The following DEPDC5 variants were observed in gnomAD, a reference collection of about 807,000 sequenced individuals.
DEPDC5 encodes GATOR1 complex protein DEPDC5.
In DEPDC5, 73 loss-of-function variants were observed where a neutral mutation model predicts 217.3. The observed-to-expected ratio is 0.34, with a 90% CI of 0.28 to 0.41. The LOEUF is 0.41. DEPDC5 is among the 10% of genes least tolerant of loss of function. The probability of loss-of-function intolerance (pLI) is 1.00; values close to 1 mark genes in which losing one functional copy is unlikely to be tolerated. For missense variants in DEPDC5, 1,675 were observed against 2,070.1 expected (o/e 0.81, Z 3.70); for synonymous variants, 733 against 756.7 (o/e 0.97, Z 0.51).
intron 35 of DEPDC5, 153 bp from the exon 36 acceptor site, chr22:31,874,120 A>G: frequency 8.2e-7 from 1 of 1,218,336 alleles, no homozygotes. Context: ...TTGTCCTCTC[A>G]TGGGTGTTTC....
At chr22:31,785,327 A>G (rs1176399771) in intron 10 of DEPDC5, among the ~76,000 whole-genome samples, 2 of 152,220 alleles carry the variant, frequency 1.3e-5, no homozygotes, top group African/African-American at 2.4e-5. Context: ...AGGATACCCA[A>G]TCAACACACA....
intron 29 of DEPDC5, among the ~76,000 whole-genome samples, chr22:31,844,239 TA>T (rs917460646): frequency 2.1e-4 from 31 of 150,754 alleles, no homozygotes; most frequent in African/African-American, 5.6e-4. Context: ...AATAAATAAA[TA>T]AAAAAAAATA....
At chr22:31,791,925 CAAAAAAAAAA>C (rs34494517) in intron 10 of DEPDC5, 98 bp from the exon 11 acceptor site, 10 of 124,126 alleles carry the variant, frequency 8.1e-5, no homozygotes, top group South Asian at 3.8e-4. Flanking sequence ...GACTCCGTCT[CAAAAAAAAAA>C]AAAAAAAAAA....
chr22:31,812,053 A>G (rs538283671), intron 20 of DEPDC5, among the ~76,000 whole-genome samples: 3 of 149,910 alleles, frequency 2.0e-5, no homozygotes, highest in Admixed American at 6.6e-5. Flanking sequence ...CAGTGCTGCA[A>G]TCTCGGCTCA....
In DEPDC5 at chr22:31,876,171, G is replaced by A; in HGVS notation, c.3711G>A (p.Glu1237=). The A allele has an allele frequency of 1.9e-6, 3 of 1,614,040 alleles. No individual in the cohort carries two copies. The highest frequency in any genetic ancestry group is 2.2e-5 in the South Asian group (2 of 91,074). The change falls in exon 37 of 43, where the codon GAG becomes GAA. Residue 1237 remains glutamate (E), a synonymous_variant. Coordinates refer to ENST00000651528, the MANE Select transcript of DEPDC5 (RefSeq NM_001242896.3). ...GTCTCTCCTAGAAAATGCTGGAAGA[G>A]CAGCTCATCACACATGCATCTGGCG... ...AIDIMQKMLE[E]QLITHASGEA...
intron 36 of DEPDC5, 117 bp downstream of exon 36, chr22:31,874,522 T>G: frequency 7.5e-7 from 1 of 1,341,016 alleles, no homozygotes; most frequent in Admixed American, 3.0e-5. Flanking sequence ...GTGAGGATTT[T>G]TTTTAATAAG....
Position 31,777,031 on chromosome 22 carries a change from C to T in DEPDC5, c.414-1068C>T, listed in dbSNP as rs541139270. Among the ~76,000 whole-genome samples the T allele has an allele frequency of 4.3e-3, 652 of 151,454 alleles. 2 individuals are homozygous for T. Among genetic ancestry groups the T allele is most frequent in the African/African-American group, 0.013 (547 of 41,242 alleles). On this transcript the variant is annotated intron_variant, in intron 7 of 42. Coordinates refer to ENST00000651528, the MANE Select transcript of DEPDC5 (RefSeq NM_001242896.3). ...AGGCTGGAGTGCAGTGGTGCGATCT[C>T]GGCTCACTGAAACCTCCGCCTCCTG...
At chr22:31,892,926 A>G (rs1222687102) in intron 38 of DEPDC5, among the ~76,000 whole-genome samples, 22 of 130,988 alleles carry the variant, frequency 1.7e-4, no homozygotes, top group African/African-American at 6.6e-4. Context: ...GCCAGACTGG[A>G]GTGCAATGGC....
At chr22:31,774,031 A>G (rs940732772) in intron 7 of DEPDC5, among the ~76,000 whole-genome samples, 3 of 151,920 alleles carry the variant, frequency 2.0e-5, no homozygotes, top group African/African-American at 7.3e-5. Context: ...AGATCGTGCC[A>G]TTGCACTCCA....
chr22:31,760,597 A>C, intron 3 of DEPDC5, 59 bp from the exon 4 acceptor site: 1 of 1,489,136 alleles, frequency 6.7e-7, no homozygotes, highest in Non-Finnish European at 9.2e-7. Context: ...TCGGGGATGA[A>C]GGTTGCTAGG....
intron 18 of DEPDC5, among the ~76,000 whole-genome samples, chr22:31,807,567 G>T (rs1400368416): frequency 6.6e-6 from 1 of 152,108 alleles, no homozygotes; most frequent in Non-Finnish European, 1.5e-5. Context: ...GAGTAGCTGG[G>T]ATTACAGGCA....
At chr22:31,812,797 A>G (rs2088582517) in intron 20 of DEPDC5, among the ~76,000 whole-genome samples, 1 of 129,004 alleles carries the variant, frequency 7.8e-6, no homozygotes, top group Non-Finnish European at 1.8e-5. Context: ...CTGGAGTGCA[A>G]TGGTGTAATC....
intron 21 of DEPDC5, chr22:31,815,713 T>C: frequency 2.8e-6 from 2 of 709,690 alleles, no homozygotes; most frequent in Non-Finnish European, 2.1e-6. Flanking sequence ...ATATTTTTTT[T>C]TGTAGAGGTG....
chr22:31,806,244 C>A, intron 18 of DEPDC5, 53 bp downstream of exon 18: 1 of 1,495,352 alleles, frequency 6.7e-7, no homozygotes. Flanking sequence ...CCAGTCTTAT[C>A]TTGAGCTCCT....
intron 2 of DEPDC5, among the ~76,000 whole-genome samples, chr22:31,755,923 A>G (rs528367099): frequency 2.6e-5 from 4 of 151,574 alleles, no homozygotes; most frequent in African/African-American, 9.7e-5. Context: ...ACCAGGCTGG[A>G]GTGCAGTGGC....
At chr22:31,801,226 G>A (rs530641390) in intron 14 of DEPDC5, among the ~76,000 whole-genome samples, 98 of 152,134 alleles carry the variant, frequency 6.4e-4, no homozygotes, top group Non-Finnish European at 7.5e-4. Flanking sequence ...AACCTGGGAG[G>A]TGGAGGTTGC....
intron 38 of DEPDC5, among the ~76,000 whole-genome samples, chr22:31,889,554 TTTTTTTTTTTTTC>T (rs2093393506): frequency 6.8e-6 from 1 of 146,286 alleles, no homozygotes; most frequent in African/African-American, 2.5e-5. Flanking sequence ...TTTTTTTTTT[TTTTTTTTTTTTTC>T]CAGACAGAGT....
At position 31,819,130 on chromosome 22, in the gene DEPDC5, C is replaced by G; in HGVS notation, c.1775C>G (p.Thr592Arg). Residue 592 changes from threonine (T) to arginine (R), a missense_variant, in exon 22 of 43, where the codon ACG becomes AGG. Physicochemically the swap from Thr to Arg is moderately conservative, Grantham distance 71. This residue lies in a region of DEPDC5 where 628 missense variants were observed against 762.1 expected (regional missense o/e 0.82). Coordinates refer to ENST00000651528, the MANE Select transcript of DEPDC5 (RefSeq NM_001242896.3). ...SMLHVRPGGYTPQRALINPFA... is the reference protein window; with the variant it reads ...SMLHVRPGGYRPQRALINPFA... ...CTGCATGTTCGACCTGGTGGATACA[C>G]GCCCCAGAGAGCACTGATTAACCCC... 2 of 1,614,188 alleles carry G rather than the reference C, an allele frequency of 1.2e-6. No homozygotes were observed. The highest frequency in any genetic ancestry group is 1.7e-6 in the Non-Finnish European group (2 of 1,180,026).
chr22:31,821,478 C>G, intron 22 of DEPDC5, 24 bp from the exon 23 acceptor site: 3 of 1,613,212 alleles, frequency 1.9e-6, no homozygotes, highest in Non-Finnish European at 1.7e-6. Context: ...GGGAATGATG[C>G]TCAGTGGTTC....
Sources: allele counts gnomAD v4.1 joint callset (sites outside exome capture counted in the v4.1 genomes callset), GRCh38; gene constraint gnomAD v4.1.1; regional missense constraint gnomAD v4.1.1; transcripts MANE v1.5; gene names NCBI Gene and HGNC (gene_info 2026-07-23, HGNC 2026-07-21).